Variants in LCLAT1 observed in about 807,000 individuals in gnomAD.
LCLAT1 encodes the protein lysocardiolipin acyltransferase 1.
In LCLAT1, 11 loss-of-function variants were observed where a neutral mutation model predicts 30.7. That is an observed-to-expected ratio of 0.36 (90% CI 0.23 to 0.59). The LOEUF is 0.59. Ranked by LOEUF, LCLAT1 falls within the 20% of genes least tolerant of loss-of-function variation. The pLI, the probability that LCLAT1 is intolerant of heterozygous loss-of-function variation, is 0.77. For missense variants in LCLAT1, 402 were observed against 458.6 expected (o/e 0.88, Z 1.13); for synonymous variants, 155 against 151.3 (o/e 1.02, Z -0.18).
intron 1 of LCLAT1, among the ~76,000 whole-genome samples, chr2:30,504,274 C>T (rs1210352304): frequency 7.6e-6 from 1 of 130,908 alleles, no homozygotes; most frequent in Non-Finnish European, 1.7e-5. Context: ...GATTTAATTT[C>T]AGTAAACCTG....
rs1039418664 is a variant in LCLAT1, at chr2:30,641,896, CTTTTTTTT to C, written c.*1281_*1288del. 1.2e-5 allele frequency: 1 copy of C among 83,396 alleles called. No homozygotes were observed. The highest frequency in any genetic ancestry group is 2.5e-5 in the Non-Finnish European group (1 of 39,986). The allele number at this position is 83,396 out of a possible 1,614,324, so 5.2% of individuals were successfully genotyped here. ...CTGTTGGAGCTGCACACTTTTTTTTCTTTTTTTTTTTCTTTTTTTTTTTGTCGTGTAAG... is the reference window on the plus strand; with the variant it reads ...CTGTTGGAGCTGCACACTTTTTTTTCTTTCTTTTTTTTTTTGTCGTGTAAG... On this transcript the variant is annotated 3_prime_UTR_variant, in exon 6 of 6. Transcript: ENST00000379509.
intron 1 of LCLAT1, among the ~76,000 whole-genome samples, chr2:30,485,782 C>A (rs1266220990): frequency 6.6e-6 from 1 of 152,064 alleles, no homozygotes; most frequent in Non-Finnish European, 1.5e-5. Flanking sequence ...AGGAATGGAA[C>A]TTTGAATTAA....
chr2:30,570,804 G>A lies in LCLAT1; in HGVS notation c.628+2628G>A, dbSNP rs374148143. On this transcript the variant is annotated intron_variant, in intron 5 of 5. Transcript: ENST00000379509. The stretch of plus-strand genomic sequence containing the variant: ...TAGTCACCAGGCAGGTGGTTGTGAT[G>A]CTGCCTGAGATAACGGGGGAGCAGA... 2.6e-5 allele frequency among the ~76,000 whole-genome samples: 4 copies of A among 152,312 alleles called. No individual in the cohort carries two copies. The South Asian group carries it at 8.3e-4, about 32-fold the overall frequency.
chr2:30,458,797 C>T (rs1012294656), intron 1 of LCLAT1, among the ~76,000 whole-genome samples: 1 of 152,028 alleles, frequency 6.6e-6, no homozygotes, highest in Non-Finnish European at 1.5e-5. Flanking sequence ...GTTGGTGGGT[C>T]CTTCAAGACA....
At chr2:30,507,214 T>C (rs535899630) in intron 1 of LCLAT1, among the ~76,000 whole-genome samples, 3 of 141,574 alleles carry the variant, frequency 2.1e-5, no homozygotes, top group African/African-American at 4.9e-5. Context: ...TTGTCTGATA[T>C]ATTTGTTTTA....
intron 1 of LCLAT1, among the ~76,000 whole-genome samples, chr2:30,500,543 G>A (rs1421335342): frequency 6.6e-6 from 1 of 152,240 alleles, no homozygotes; most frequent in Admixed American, 6.5e-5. Flanking sequence ...ACTCTTTCTA[G>A]TTACAAAGCC....
chr2:30,527,511 C>CT (rs1309611947), intron 2 of LCLAT1, among the ~76,000 whole-genome samples: 2 of 152,192 alleles, frequency 1.3e-5, no homozygotes, highest in African/African-American at 4.8e-5. Context: ...AGTTGTAATG[C>CT]TTTACAGTGT....
At chr2:30,611,527 C>G (rs1667739910) in intron 5 of LCLAT1, among the ~76,000 whole-genome samples, 1 of 151,892 alleles carries the variant, frequency 6.6e-6, no homozygotes, top group Non-Finnish European at 1.5e-5. Context: ...ACTGTTCTTT[C>G]TCTCTCCCCC....
At chr2:30,531,540 G>A (rs1215700547) in intron 2 of LCLAT1, among the ~76,000 whole-genome samples, 1 of 152,096 alleles carries the variant, frequency 6.6e-6, no homozygotes, top group African/African-American at 2.4e-5. Context: ...GGAGGCCATC[G>A]TTCTAGGACA....
chr2:30,466,626 G>C (rs1455925609), intron 1 of LCLAT1, among the ~76,000 whole-genome samples: 1 of 151,958 alleles, frequency 6.6e-6, no homozygotes, highest in Non-Finnish European at 1.5e-5. Flanking sequence ...TAAATATTCT[G>C]TTGCACTGGT....
At chr2:30,636,290 T>C (rs540889883) in intron 5 of LCLAT1, among the ~76,000 whole-genome samples, 1 of 152,292 alleles carries the variant, frequency 6.6e-6, no homozygotes, top group African/African-American at 2.4e-5. Flanking sequence ...CCCAGGTGAA[T>C]AGTGCTGTTG....
chr2:30,612,283 T>C (rs529199952), intron 5 of LCLAT1, among the ~76,000 whole-genome samples: 8 of 152,258 alleles, frequency 5.3e-5, no homozygotes, highest in African/African-American at 1.9e-4. Context: ...TTTAACATCG[T>C]CAAATATGCC....
chr2:30,559,832 C>T (rs774592041), intron 3 of LCLAT1, among the ~76,000 whole-genome samples: 1 of 152,170 alleles, frequency 6.6e-6, no homozygotes, highest in Non-Finnish European at 1.5e-5. Context: ...AATAGGAACT[C>T]TTTTGTTACA....
Position 30,633,975 on chromosome 2 carries a change from CTT to C in LCLAT1, c.629-6141_629-6140del, listed in dbSNP as rs573930057. On this transcript the variant is annotated intron_variant, in intron 5 of 5. Coordinates refer to ENST00000379509, the MANE Select transcript of LCLAT1 (RefSeq NM_001002257.3). ...CTCCCATTCTCAGTGAGCTGGGACT[CTT>C]ATAATAGTCGTGGGCTCAGCTTGAT... 1.1e-3 allele frequency among the ~76,000 whole-genome samples: 174 copies of C among 152,308 alleles called. 1 individual carries two copies. The highest frequency in any genetic ancestry group is 4.1e-3 in the African/African-American group (171 of 41,566).
chr2:30,518,317 C>T (rs573298991), intron 1 of LCLAT1, among the ~76,000 whole-genome samples: 2 of 152,238 alleles, frequency 1.3e-5, no homozygotes, highest in Middle Eastern at 3.4e-3. Flanking sequence ...AATAGTTCCT[C>T]CCGGGTGATT....
At chr2:30,557,657 C>T (rs1664991204) in intron 3 of LCLAT1, among the ~76,000 whole-genome samples, 1 of 152,074 alleles carries the variant, frequency 6.6e-6, no homozygotes, top group Non-Finnish European at 1.5e-5. Flanking sequence ...TCAGGTGATC[C>T]ACCTGCCTCG....
chr2:30,453,987 A>G (rs1023733644), intron 1 of LCLAT1, among the ~76,000 whole-genome samples: 2 of 152,228 alleles, frequency 1.3e-5, no homozygotes, highest in African/African-American at 4.8e-5. Context: ...TACGCAGTCT[A>G]GTTTCAGAGT....
chr2:30,539,132 G>C (rs773774947), intron 3 of LCLAT1, among the ~76,000 whole-genome samples: 2 of 150,742 alleles, frequency 1.3e-5, no homozygotes, highest in Non-Finnish European at 2.9e-5. Context: ...GCTAATTTTT[G>C]TATCTTTAGT....
chr2:30,541,582 T>A (rs1007019752), intron 3 of LCLAT1, among the ~76,000 whole-genome samples: 1 of 152,228 alleles, frequency 6.6e-6, no homozygotes, highest in Admixed American at 6.5e-5. Context: ...GTTCCCAGAC[T>A]TTCTGTTCTC....
Sources: gnomAD v4.1 joint callset for allele counts (sites outside exome capture counted in the v4.1 genomes callset) on GRCh38, gnomAD v4.1.1 for gene constraint, MANE v1.5 for transcripts, NCBI Gene and HGNC (gene_info 2026-07-23, HGNC 2026-07-21) for gene names.